The following MEF2C variants were observed in gnomAD, a reference collection of about 807,000 sequenced individuals.
MEF2C encodes the protein myocyte-specific enhancer factor 2C.
MEF2C carries 6 observed loss-of-function variants against 50.5 expected under a neutral mutation model. The ratio of observed to expected loss-of-function variants is 0.12; its 90% CI spans 0.07 to 0.23. The LOEUF (loss-of-function observed/expected upper bound fraction) is 0.23. Ranked by LOEUF, MEF2C falls within the 10% of genes least tolerant of loss-of-function variation. MEF2C has a pLI of 1.00. For synonymous variants in MEF2C, 183 were observed against 228.0 expected (o/e 0.80, Z 1.78); for missense variants, 276 against 605.0 (o/e 0.46, Z 5.70).
chr5:88,851,651 C>A (rs574767651), intron 1 of MEF2C, among the ~76,000 whole-genome samples: 1 of 151,776 alleles, frequency 6.6e-6, no homozygotes, highest in African/African-American at 2.4e-5. Flanking sequence ...CGCTACTATT[C>A]GTAATAATTT....
chr5:88,740,155 G>A (rs1483058199), intron 6 of MEF2C: 8 of 984,890 alleles, frequency 8.1e-6, no homozygotes, highest in Non-Finnish European at 8.4e-6. Context: ...CCTGATGCTG[G>A]ACCAGAGCTT....
chr5:88,874,249 T>C (rs304136), intron 1 of MEF2C, among the ~76,000 whole-genome samples: 87,386 of 151,742 alleles, frequency 0.58, 26,623 homozygotes, highest in African/African-American at 0.78. Context: ...TTAAAATTTC[T>C]ATTCCATACA....
chr5:88,837,024 A>AAT (rs1554039496), intron 1 of MEF2C, among the ~76,000 whole-genome samples: 4 of 150,526 alleles, frequency 2.7e-5, no homozygotes, highest in Non-Finnish European at 5.9e-5. Flanking sequence ...AAAAAAAAAA[A>AAT]GTCAGGAAAT....
chr5:88,764,232 C>A (rs1327245512), intron 3 of MEF2C, among the ~76,000 whole-genome samples: 1 of 152,034 alleles, frequency 6.6e-6, no homozygotes, highest in Non-Finnish European at 1.5e-5. Context: ...TATAAAAATT[C>A]AAACATCAAT....
chr5:88,799,968 C>T (rs244755), intron 3 of MEF2C, among the ~76,000 whole-genome samples: 88,296 of 151,182 alleles, frequency 0.58, 27,520 homozygotes, highest in Non-Finnish European at 0.71. Context: ...TAATCCTCTA[C>T]TGAGACAGTT....
rs147607676 is a variant in MEF2C, at chr5:88,724,364, C to T, written c.1101-1439G>A. On this transcript the variant is annotated intron_variant, in intron 10 of 10. Coordinates refer to ENST00000504921, the MANE Select transcript of MEF2C (RefSeq NM_002397.5). ...ATAGTGATATAAAATTAGTCAGAAA[C>T]GAGTTTATCTTTGAGTGATGTTTTG... is the stretch of plus-strand genomic sequence containing the variant. Among the ~76,000 whole-genome samples the T allele has an allele frequency of 4.4e-3, 669 of 152,104 alleles. 4 individuals carry two copies. The highest frequency in any genetic ancestry group is 0.015 in the African/African-American group (631 of 41,542).
upstream of MEF2C, chr5:88,888,092 A>G (rs1423359656): frequency 6.6e-6 from 1 of 152,268 alleles, no homozygotes; most frequent in Non-Finnish European, 1.5e-5. Flanking sequence ...TGCATTGCCT[A>G]AAGGCCAATT....
chr5:88,773,541 T>G (rs936798358), intron 3 of MEF2C, among the ~76,000 whole-genome samples: 3 of 152,222 alleles, frequency 2.0e-5, no homozygotes, highest in African/African-American at 7.2e-5. Flanking sequence ...TTTTCTAGAT[T>G]ATAAGATTCT....
intron 6 of MEF2C, chr5:88,733,371 A>G (rs1762503998): frequency 1.0e-6 from 1 of 983,330 alleles, no homozygotes; most frequent in East Asian, 1.2e-4. Context: ...GGAGATCTCA[A>G]ATTCCAGGCT....
chr5:88,736,767 G>C (rs1313414438), intron 6 of MEF2C: 2 of 985,248 alleles, frequency 2.0e-6, no homozygotes, highest in Non-Finnish European at 2.4e-6. Flanking sequence ...CTGGCTCTCA[G>C]AACTGTCTAC....
chr5:88,848,883 T>C (rs1561324001), intron 1 of MEF2C, among the ~76,000 whole-genome samples: 1 of 152,170 alleles, frequency 6.6e-6, no homozygotes, highest in Non-Finnish European at 1.5e-5. Flanking sequence ...CCAGGCGTGG[T>C]GGCTAACGCA....
At chr5:88,804,918 G>C in intron 2 of MEF2C, 117 bp from the exon 3 acceptor site, 1 of 690,238 alleles carries the variant, frequency 1.4e-6, no homozygotes, top group Non-Finnish European at 2.4e-6. Flanking sequence ...AGAGCCCTGG[G>C]CACTAACACA....
At chr5:88,810,015 T>A (rs1381080912) in intron 2 of MEF2C, among the ~76,000 whole-genome samples, 4 of 152,128 alleles carry the variant, frequency 2.6e-5, no homozygotes, top group African/African-American at 9.7e-5. Flanking sequence ...TCTGCCAGAT[T>A]TGAATTCCCC....
chr5:88,807,291 A>T (rs1800884509), intron 2 of MEF2C, among the ~76,000 whole-genome samples: 1 of 152,092 alleles, frequency 6.6e-6, no homozygotes. Flanking sequence ...CGGTACTAGA[A>T]TAGCTAACTG....
intron 6 of MEF2C, chr5:88,738,597 C>T (rs1393757343): frequency 5.1e-6 from 5 of 984,280 alleles, no homozygotes; most frequent in Non-Finnish European, 6.0e-6. Flanking sequence ...TGAAGTACAA[C>T]ACTACACTGC....
intron 1 of MEF2C, among the ~76,000 whole-genome samples, chr5:88,865,088 G>T (rs1291804118): frequency 6.6e-6 from 1 of 152,046 alleles, no homozygotes. Flanking sequence ...TTGGAGACTG[G>T]ATCTCACTAT....
intron 3 of MEF2C, among the ~76,000 whole-genome samples, chr5:88,794,415 A>G (rs1795140021): frequency 1.3e-5 from 2 of 151,942 alleles, no homozygotes; most frequent in South Asian, 2.1e-4. Context: ...GCTTTTTTTC[A>G]TATGCTTGTT....
At chr5:88,729,467 A>T (rs2152229594) in intron 8 of MEF2C, 120 bp from the exon 9 acceptor site, 1 of 929,342 alleles carries the variant, frequency 1.1e-6, no homozygotes, top group Non-Finnish European at 1.6e-6. Context: ...GAAATTAATC[A>T]TTTAACATGT....
intron 3 of MEF2C, among the ~76,000 whole-genome samples, chr5:88,802,274 A>G (rs1798689739): frequency 6.6e-6 from 1 of 152,274 alleles, no homozygotes; most frequent in Middle Eastern, 3.2e-3. Context: ...ACGTCAGCCC[A>G]GAGAGGTACC....
Sources: gnomAD v4.1 joint callset for allele counts (sites outside exome capture counted in the v4.1 genomes callset) on GRCh38, gnomAD v4.1.1 for gene constraint, MANE v1.5 for transcripts, NCBI Gene and HGNC (gene_info 2026-07-23, HGNC 2026-07-21) for gene names.